The following SEC31B variants were observed in gnomAD, a reference collection of about 807,000 sequenced individuals.
The protein encoded by SEC31B is SEC31 homolog B, COPII component, also known as protein transport protein Sec31B.
A neutral mutation model predicts 135.0 loss-of-function variants in SEC31B; 113 were observed. The observed-to-expected ratio is 0.84, with a 90% confidence interval of 0.72 to 0.98. SEC31B has a LOEUF of 0.98. Ranked by LOEUF, SEC31B falls within the 50% of genes least tolerant of loss-of-function variation. The pLI, the probability that SEC31B is intolerant of heterozygous loss-of-function variation, is 0.00. For missense variants in SEC31B, 1,296 were observed against 1,421.1 expected (o/e 0.91, Z 1.42); for synonymous variants, 508 against 549.4 (o/e 0.92, Z 1.05).
At position 100,518,378 on chromosome 10, in the gene SEC31B, T is replaced by TC. The variant is rs1851887197; in HGVS notation, c.-45-1382dup. On this transcript the variant is annotated intron_variant, in intron 1 of 25. Coordinates refer to ENST00000370345, the MANE Select transcript of SEC31B (RefSeq NM_015490.4). The stretch of plus-strand genomic sequence containing the variant: ...TATATCTTTCTGGGCTCAGCTTACT[T>TC]CCCCAAATAAGTGAACTACCCAATC... Among the ~76,000 whole-genome samples, 3 of 150,710 alleles carry TC rather than the reference T, an allele frequency of 2.0e-5. No individual in the cohort carries two copies. In the South Asian group the frequency reaches 6.3e-4, roughly 32 times the overall value.
At chr10:100,514,709 G>A (rs74154665) in intron 3 of SEC31B, among the ~76,000 whole-genome samples, 2 of 152,208 alleles carry the variant, frequency 1.3e-5, no homozygotes, top group African/African-American at 2.4e-5. Flanking sequence ...ATCTCTTAGA[G>A]GGACCAAGAA....
rs2097338431 is a variant in SEC31B, at chr10:100,506,579, T to C, written c.783-159A>G. ...TCTTACAAATGAATAAAATGAGGTT[T>C]TGAAAAATTAAGTAACTTTCCAACA... On this transcript the variant is annotated intron_variant, in intron 7 of 25. Transcript: ENST00000370345. The C allele has an allele frequency of 1.6e-5, 11 of 682,068 alleles. No individual in the cohort carries two copies. In the South Asian group the frequency reaches 1.8e-4, roughly 11 times the overall value. 42.3% of individuals were successfully genotyped at this position (682,068 alleles called of 1,614,324 possible). A position where few individuals can be genotyped will look rare whatever the true frequency, so the allele number is the denominator to read the frequency against.
In SEC31B at chr10:100,505,471, G is replaced by A. The variant is rs1851612480; in HGVS notation, c.1069C>T (p.Gln357Ter). 1.3e-6 allele frequency: 2 copies of A among 1,566,982 alleles called. No individual in the cohort carries two copies. Among genetic ancestry groups the A allele is most frequent in the Non-Finnish European group, 1.7e-6 (2 of 1,159,832 alleles). ...DKISSSFSKG[Q>*]PLPPLQVPEQ... Reference sequence around the variant, plus strand: ...GGCACCTGCAGTGGTGGGAGAGGCTGGCCTTTGCTGAAGGAAGAGGAGATC... The same window carrying A: ...GGCACCTGCAGTGGTGGGAGAGGCTAGCCTTTGCTGAAGGAAGAGGAGATC... The change falls in exon 10 of 26, where the codon CAG (glutamine) becomes TAG (stop). Residue 357 changes from glutamine to a stop codon, truncating the protein, a stop_gained. Transcript: ENST00000370345. LOFTEE classifies it high-confidence loss of function.
At chr10:100,499,797 CCCCTG>C (rs1404603886) in intron 11 of SEC31B, among the ~76,000 whole-genome samples, 199 bp from the exon 12 acceptor site, 1 of 152,170 alleles carries the variant, frequency 6.6e-6, no homozygotes, top group African/African-American at 2.4e-5. Context: ...TTAACATAGC[CCCCTG>C]CCCTTTGCAC....
At chr10:100,493,337 C>A (rs1433893922) in intron 19 of SEC31B, among the ~76,000 whole-genome samples, 1 of 150,686 alleles carries the variant, frequency 6.6e-6, no homozygotes, top group African/African-American at 2.5e-5. Context: ...CGCGCCACTG[C>A]ACTCCAGCCT....
chr10:100,497,333 C>A, intron 16 of SEC31B, 53 bp from the exon 17 acceptor site: 2 of 1,598,080 alleles, frequency 1.3e-6, no homozygotes, highest in Non-Finnish European at 1.7e-6. Flanking sequence ...TGTGCCTCTC[C>A]TTCTCCTGTT....
Position 100,490,115 on chromosome 10 carries a change from T to C in SEC31B, c.2858A>G (p.His953Arg). 1 of 1,588,440 alleles carries C rather than the reference T, an allele frequency of 6.3e-7. No homozygotes were observed. The highest frequency in any genetic ancestry group is 8.6e-7 in the Non-Finnish European group (1 of 1,168,426). Residue 953 changes from histidine to arginine, a missense_variant, in exon 21 of 26, where the codon CAC (histidine) becomes CGC (arginine). Physicochemically the swap from His to Arg is conservative, Grantham distance 29 (BLOSUM62 0). Coordinates refer to ENST00000370345, the MANE Select transcript of SEC31B (RefSeq NM_015490.4). ...RPLGPGRMVS[H>R]TPAPPASFPV... Reference sequence around the variant, plus strand: ...GAAGCTTGCAGGAGGGGCTGGGGTGTGGGAGACCATGCGGCCGGGACCTAG... The same window carrying C: ...GAAGCTTGCAGGAGGGGCTGGGGTGCGGGAGACCATGCGGCCGGGACCTAG...
chr10:100,490,270 C>T lies in SEC31B; in HGVS notation c.2703G>A (p.Pro901=), dbSNP rs375878782. The change falls in exon 21 of 26, where the codon CCG becomes CCA. Residue 901 remains proline (P), a synonymous_variant. Transcript: ENST00000370345. ...LGGQRVQVPN[P]VGFPGTWPLP... is the part of the protein sequence containing the mutation. ...GAGGCCATGTCCCAGGGAATCCCAC[C>T]GGGTTAGGAACTTGCACCCTTTGCC... is the stretch of plus-strand genomic sequence containing the variant. 157 of 1,613,792 alleles carry T rather than the reference C, an allele frequency of 9.7e-5. No homozygotes were observed. Among genetic ancestry groups the T allele is most frequent in the South Asian group, 2.5e-4 (23 of 91,054 alleles).
intron 13 of SEC31B, 28 bp downstream of exon 13, chr10:100,499,132 G>A (rs1163289351): frequency 1.3e-6 from 2 of 1,587,540 alleles, no homozygotes; most frequent in East Asian, 2.2e-5. Context: ...TGTTACCATA[G>A]GTCAGGCTGA....
Position 100,489,448 on chromosome 10 carries a change from C to T in SEC31B, c.3025-50G>A, listed in dbSNP as rs377153236. The T allele has an allele frequency of 3.4e-5, 55 of 1,599,636 alleles. No homozygotes were observed. In the African/African-American group the frequency reaches 6.2e-4, roughly 18 times the overall value. Reference sequence around the variant, plus strand: ...GAGTCTAACCTGAGAGACTCCATGGCTCTGGTTTTGGGGAGTGGCAGGAAT... The same window carrying T: ...GAGTCTAACCTGAGAGACTCCATGGTTCTGGTTTTGGGGAGTGGCAGGAAT... On this transcript the variant is annotated intron_variant, in intron 22 of 25. Coordinates refer to ENST00000370345, the MANE Select transcript of SEC31B (RefSeq NM_015490.4).
At chr10:100,488,713 C>T in intron 24 of SEC31B, 145 bp downstream of exon 24, 2 of 1,156,236 alleles carry the variant, frequency 1.7e-6, no homozygotes, top group East Asian at 5.3e-5. Context: ...CCCAGCTCCA[C>T]ATGGACGTCA....
At chr10:100,505,686 A>G (rs1851616480) in intron 9 of SEC31B, 191 bp from the exon 10 acceptor site, 3 of 1,408,486 alleles carry the variant, frequency 2.1e-6, no homozygotes, top group South Asian at 1.6e-5. Context: ...AGGCTCTTGG[A>G]AAGACTACTA....
intron 20 of SEC31B, 89 bp downstream of exon 20, chr10:100,490,617 T>C (rs1851284010): frequency 3.0e-6 from 4 of 1,321,436 alleles, no homozygotes; most frequent in Middle Eastern, 2.7e-4. Flanking sequence ...TAGACAGACA[T>C]ACAGCTTCCC....
intron 17 of SEC31B, 118 bp from the exon 18 acceptor site, chr10:100,496,549 C>A: frequency 1.9e-6 from 2 of 1,052,264 alleles, no homozygotes; most frequent in Admixed American, 2.5e-5. Context: ...CCTGACCATA[C>A]CTAGGTGAAG....
At chr10:100,498,871 T>C in intron 13 of SEC31B, 67 bp from the exon 14 acceptor site, 2 of 1,235,206 alleles carry the variant, frequency 1.6e-6, no homozygotes, top group Admixed American at 1.8e-5. Flanking sequence ...GCTGGCTTAG[T>C]AGCCCTGAGA....
At chr10:100,518,979 A>C (rs1851898879) in intron 1 of SEC31B, among the ~76,000 whole-genome samples, 1 of 152,222 alleles carries the variant, frequency 6.6e-6, no homozygotes, top group Admixed American at 6.5e-5. Flanking sequence ...TTCCCTAACA[A>C]CAAAAATAGG....
At chr10:100,505,135 T>C (rs1851600931) in intron 10 of SEC31B, among the ~76,000 whole-genome samples, 1 of 152,140 alleles carries the variant, frequency 6.6e-6, no homozygotes, top group Admixed American at 6.5e-5. Context: ...TCAGCTCCTT[T>C]TAGACAGGAC....
intron 3 of SEC31B, among the ~76,000 whole-genome samples, chr10:100,510,427 G>T (rs1393731720): frequency 3.3e-5 from 5 of 152,178 alleles, no homozygotes; most frequent in Non-Finnish European, 7.3e-5. Flanking sequence ...CCAATGTCTT[G>T]CCCCAGAGAA....
intron 4 of SEC31B, 43 bp from the exon 5 acceptor site, chr10:100,509,145 G>A (rs1589739392): frequency 3.8e-6 from 6 of 1,591,270 alleles, no homozygotes; most frequent in Non-Finnish European, 5.2e-6. Flanking sequence ...ACCCTAGGAA[G>A]AAACAGAGCA....
Sources: allele counts gnomAD v4.1 joint callset (sites outside exome capture counted in the v4.1 genomes callset), GRCh38; gene constraint gnomAD v4.1.1; transcripts MANE v1.5; gene names NCBI Gene and HGNC (gene_info 2026-07-23, HGNC 2026-07-21).